PRKDC: variants seen among roughly 807,000 people sequenced by gnomAD.
The protein encoded by PRKDC is protein kinase, DNA-activated, catalytic subunit.
In PRKDC, 82 loss-of-function variants were observed where a neutral mutation model predicts 486.9. The ratio of observed to expected loss-of-function variants is 0.17; its 90% confidence interval spans 0.14 to 0.20. The LOEUF is 0.20. PRKDC is among the 10% of genes least tolerant of loss of function. The pLI, the probability that PRKDC is intolerant of heterozygous loss-of-function variation, is 1.00. For synonymous variants in PRKDC, 1,895 were observed against 1,837.0 expected, an observed-to-expected ratio of 1.03 and a Z score of -0.81; for missense variants, 4,504 against 5,038.2, an observed-to-expected ratio of 0.89 and a Z score of 3.21.
chr8:47,932,465 C>G (rs2090273992), intron 16 of PRKDC, among the ~76,000 whole-genome samples: 2 of 152,148 alleles, frequency 1.3e-5, no homozygotes, highest in African/African-American at 4.8e-5. Context: ...GATCTGCCTG[C>G]CTCGGCCTCC....
At chr8:47,927,666 G>A (rs2090176133) in intron 20 of PRKDC, 105 bp downstream of exon 20, 1 of 1,352,012 alleles carries the variant, frequency 7.4e-7, no homozygotes, top group Admixed American at 3.4e-5. Flanking sequence ...GCACGCCTGT[G>A]AGGAAACGCC....
chr8:47,919,543 C>T (rs115090005), intron 21 of PRKDC, among the ~76,000 whole-genome samples: 5,294 of 152,274 alleles, frequency 0.035, 125 homozygotes, highest in Middle Eastern at 0.068. Context: ...TGAGCTGCGC[C>T]GCGGGAGGGC....
intron 25 of PRKDC, among the ~76,000 whole-genome samples, chr8:47,909,757 T>C (rs2089861508): frequency 1.3e-5 from 2 of 152,148 alleles, no homozygotes; most frequent in Admixed American, 6.5e-5. Flanking sequence ...GTGTCTGTCT[T>C]ATGCAGTTGA....
intron 68 of PRKDC, among the ~76,000 whole-genome samples, chr8:47,808,819 T>C (rs558094455): frequency 1.3e-5 from 2 of 152,024 alleles, no homozygotes; most frequent in East Asian, 1.9e-4. Flanking sequence ...TTAGAAACAG[T>C]ATGGCCAGGG....
intron 52 of PRKDC, among the ~76,000 whole-genome samples, chr8:47,849,807 T>A (rs2154500222): frequency 6.6e-6 from 1 of 151,904 alleles, no homozygotes; most frequent in Admixed American, 6.5e-5. Context: ...GATCAGTGTT[T>A]CCTACTGACA....
At chr8:47,842,761 G>A (rs1447136142) in intron 54 of PRKDC, among the ~76,000 whole-genome samples, 4 of 152,186 alleles carry the variant, frequency 2.6e-5, no homozygotes. Context: ...GACAGAAATA[G>A]AATTCAGAAT....
intron 59 of PRKDC, 134 bp from the exon 60 acceptor site, chr8:47,832,060 A>T: frequency 1.4e-6 from 1 of 720,880 alleles, no homozygotes; most frequent in South Asian, 1.7e-5. Flanking sequence ...GCAGGAGTGC[A>T]GGGGCCACAG....
chr8:47,939,949 TG>T (rs757773098), intron 10 of PRKDC: 2 of 145,216 alleles, frequency 1.4e-5, no homozygotes, highest in East Asian at 1.5e-4. Context: ...CACATAAGTC[TG>T]AAAAAAAAAA....
At chr8:47,954,941 G>A (rs997183890) in intron 4 of PRKDC, among the ~76,000 whole-genome samples, 5 of 152,080 alleles carry the variant, frequency 3.3e-5, no homozygotes, top group African/African-American at 1.2e-4. Context: ...GGATTACGAG[G>A]TCAGGAGTTC....
At position 47,957,151 on chromosome 8, in the gene PRKDC, GTA is replaced by G; in HGVS notation, c.324+18_324+19del. ...AGATGTTGATATATAATGTAATAAG[GTA>G]TGTTTTTTAATTCTTACCTTAATTT... On this transcript the variant is annotated intron_variant, in intron 3 of 85. Transcript: ENST00000314191. 1 of 1,463,060 alleles carries G rather than the reference GTA, an allele frequency of 6.8e-7. No homozygotes were observed. Among genetic ancestry groups the G allele is most frequent in the Non-Finnish European group, 9.5e-7 (1 of 1,053,242 alleles). 90.6% of individuals were successfully genotyped at this position (1,463,060 alleles called of 1,614,324 possible).
chr8:47,821,566 A>G, intron 65 of PRKDC, 38 bp downstream of exon 65: 1 of 1,539,652 alleles, frequency 6.5e-7, no homozygotes, highest in Non-Finnish European at 8.8e-7. Flanking sequence ...CACCTATCTA[A>G]AATAATTATT....
At chr8:47,892,188 T>A (rs949511316) in intron 31 of PRKDC, among the ~76,000 whole-genome samples, 6 of 152,164 alleles carry the variant, frequency 3.9e-5, no homozygotes, top group African/African-American at 1.4e-4. Context: ...GTTTTTTTAA[T>A]ACTAAAATCT....
intron 35 of PRKDC, 21 bp from the exon 36 acceptor site, chr8:47,886,168 G>T (rs576072114): frequency 6.4e-7 from 1 of 1,558,530 alleles, no homozygotes; most frequent in South Asian, 1.2e-5. Context: ...GAAAGGAGAA[G>T]TACCATAACT....
intron 31 of PRKDC, 114 bp downstream of exon 31, chr8:47,893,025 A>G (rs994043274): frequency 1.6e-6 from 2 of 1,263,520 alleles, no homozygotes; most frequent in African/African-American, 3.0e-5. Context: ...AAGCACGGGC[A>G]AGGTGGTGCA....
At chr8:47,777,104 G>T in intron 84 of PRKDC, 121 bp from the exon 85 acceptor site, 1 of 1,226,252 alleles carries the variant, frequency 8.2e-7, no homozygotes, top group Non-Finnish European at 1.1e-6. Flanking sequence ...GAGCAGCCTT[G>T]CTTTCTACAG....
In PRKDC at chr8:47,849,282, AAAG is replaced by A; in HGVS notation, c.7149_7151del (p.Phe2384del). 2 of 1,613,992 alleles carry A rather than the reference AAAG, an allele frequency of 1.2e-6. No individual in the cohort carries two copies. On this transcript the variant is annotated inframe_deletion, in exon 54 of 86. Coordinates refer to ENST00000314191, the MANE Select transcript of PRKDC (RefSeq NM_006904.7). ...ACACTCCATGAAATTTTGGCAGCAG[AAAG>A]AACACAGCATTCATGAACCTGGCGG...
intron 54 of PRKDC, among the ~76,000 whole-genome samples, chr8:47,845,764 T>C (rs1056637175): frequency 6.7e-6 from 1 of 150,308 alleles, no homozygotes; most frequent in African/African-American, 2.4e-5. Flanking sequence ...ATACAAAGAA[T>C]TGGTACGAAT....
chr8:47,846,875 A>G (rs2088277963), intron 54 of PRKDC, among the ~76,000 whole-genome samples: 1 of 152,234 alleles, frequency 6.6e-6, no homozygotes. Context: ...TACAGCTGAG[A>G]TCCAAATCAA....
At position 47,859,600 on chromosome 8, in the gene PRKDC, A is replaced by T. The variant is rs373605027; in HGVS notation, c.6207+11T>A. 24 of 1,610,518 alleles carry T rather than the reference A, an allele frequency of 1.5e-5. No homozygotes were observed. In the African/African-American group the frequency reaches 3.1e-4, roughly 21 times the overall value. On this transcript the variant is annotated intron_variant, in intron 46 of 85. Coordinates refer to ENST00000314191, the MANE Select transcript of PRKDC (RefSeq NM_006904.7). ...TCGACAATATTCTTTTAGTATGTGAAATGTGATCACCCGTCTCCGAAAACG... is the reference window on the plus strand; with the variant it reads ...TCGACAATATTCTTTTAGTATGTGATATGTGATCACCCGTCTCCGAAAACG...
Sources: gnomAD v4.1 joint callset for allele counts (sites outside exome capture counted in the v4.1 genomes callset) on GRCh38, gnomAD v4.1.1 for gene constraint, MANE v1.5 for transcripts, NCBI Gene and HGNC (gene_info 2026-07-23, HGNC 2026-07-21) for gene names.